Variants in WDR26 observed in about 807,000 individuals in gnomAD.
WDR26 encodes WD repeat domain 26.
WDR26 carries 5 observed loss-of-function variants against 84.1 expected under a neutral mutation model. That is an observed-to-expected ratio of 0.06 (90% confidence interval 0.03 to 0.13). The LOEUF (loss-of-function observed/expected upper bound fraction) is 0.13. Among genes scored for constraint, WDR26 ranks in the 10% least tolerant of loss-of-function variants. WDR26 has a pLI of 1.00. For missense variants in WDR26, 642 were observed against 974.9 expected (o/e 0.66, Z 4.55); for synonymous variants, 415 against 389.6 (o/e 1.07, Z -0.77).
At chr1:224,421,827 G>A (rs1572204660) in intron 4 of WDR26, among the ~76,000 whole-genome samples, 1 of 152,154 alleles carries the variant, frequency 6.6e-6, no homozygotes, top group East Asian at 1.9e-4. Context: ...TAAGACCAAT[G>A]ACTTTGGAAT....
chr1:224,429,335 C>G (rs1674320310), intron 3 of WDR26: 1 of 150,582 alleles, frequency 6.6e-6, no homozygotes, highest in Non-Finnish European at 1.5e-5. Context: ...TGGATTGGGT[C>G]AATGAAAACA....
At position 224,434,267 on chromosome 1, in the gene WDR26, C is replaced by T. The variant is rs1674531177; in HGVS notation, c.139G>A (p.Gly47Ser). Residue 47 changes from glycine (G) to serine (S), a missense_variant, in exon 1 of 14, where the codon GGC (glycine) becomes AGC (serine). By Grantham distance (56) the Gly-to-Ser change is moderately conservative. Around this residue, in one of 2 missense-constraint regions of WDR26, gnomAD observed 291 missense variants for 302.1 expected, o/e 0.96. Coordinates refer to ENST00000414423, the MANE Select transcript of WDR26 (RefSeq NM_001379403.1). ...GACGGAGGGGAGAGGCCTGCTCTGCCTGCCGAAGCCCCGGGCTCTCCTACT... is the reference window on the plus strand; with the variant it reads ...GACGGAGGGGAGAGGCCTGCTCTGCTTGCCGAAGCCCCGGGCTCTCCTACT... The T allele has an allele frequency of 1.6e-6, 2 of 1,290,284 alleles. No homozygotes were observed. The highest frequency in any genetic ancestry group is 9.8e-7 in the Non-Finnish European group (1 of 1,020,650). 79.9% of individuals were successfully genotyped at this position (1,290,284 alleles called of 1,614,324 possible).
At chr1:224,407,061 A>G (rs1259590668) in intron 7 of WDR26, among the ~76,000 whole-genome samples, 3 of 142,352 alleles carry the variant, frequency 2.1e-5, no homozygotes, top group African/African-American at 7.9e-5. Context: ...GGTGAAGGTT[A>G]CAGTGAGCCA....
chr1:224,395,952 A>G (rs977711761), intron 12 of WDR26, among the ~76,000 whole-genome samples: 2 of 152,190 alleles, frequency 1.3e-5, no homozygotes, highest in South Asian at 2.1e-4. Flanking sequence ...TTTTTGGGAA[A>G]CGGTTTTTAA....
rs1673313874 is a variant in WDR26 at position 224,398,155 on chromosome 1, A to G, written c.2016T>C (p.Tyr672=). ...GGCCTCCAAAACATGAATGAATTGT[A>G]TAAAACCCTTGTGTAACACCTTGAT... The change falls in exon 12 of 14, where the codon TAT becomes TAC. Residue 672 remains tyrosine, a synonymous_variant. Transcript: ENST00000414423. 6 of 1,613,668 alleles carry G rather than the reference A, an allele frequency of 3.7e-6. No individual in the cohort carries two copies. Among genetic ancestry groups the G allele is most frequent in the Non-Finnish European group, 5.1e-6 (6 of 1,179,920 alleles).
rs771658640 is a variant in WDR26, at chr1:224,387,045, CA to C, written c.*2789del. ...TATTTGCTCTAGCCCTTAATCAATG[CA>C]TAACAACAAAAACATTTTTAAGCAC... On this transcript the variant is annotated 3_prime_UTR_variant, in exon 14 of 14. Transcript: ENST00000414423. 1.3e-5 allele frequency: 2 copies of C among 152,594 alleles called. No individual in the cohort carries two copies. The highest frequency in any genetic ancestry group is 2.9e-5 in the Non-Finnish European group (2 of 68,020). The allele number at this position is 152,594 out of a possible 1,614,324, so 9.5% of individuals were successfully genotyped here. A position where few individuals can be genotyped will look rare whatever the true frequency, so the allele number is the denominator to read the frequency against.
Position 224,424,623 on chromosome 1 carries a change from T to A in WDR26, c.959A>T (p.Tyr320Phe). ...CTTGCCATCCTCCAGGTATTCTAGG[T>A]ACTTCTGCTGCAGCAGCAAAAACTT... Residue 320 changes from tyrosine to phenylalanine, a missense_variant, in exon 4 of 14, where the codon TAC becomes TTC. Tyr to Phe is a conservative substitution (Grantham distance 22). Around this residue, in one of 2 missense-constraint regions of WDR26, gnomAD observed 351 missense variants for 672.8 expected, o/e 0.52. Coordinates refer to ENST00000414423, the MANE Select transcript of WDR26 (RefSeq NM_001379403.1). The A allele has an allele frequency of 6.2e-7, 1 of 1,614,190 alleles. No homozygotes were observed. Among genetic ancestry groups the A allele is most frequent in the Non-Finnish European group, 8.5e-7 (1 of 1,180,026 alleles).
intron 4 of WDR26, among the ~76,000 whole-genome samples, chr1:224,422,714 CAA>C (rs57059923): frequency 2.1e-5 from 3 of 146,212 alleles, no homozygotes; most frequent in Non-Finnish European, 3.0e-5. Flanking sequence ...AACTCTGTCT[CAA>C]AAAAAAAAAA....
rs1673124308 is a variant in WDR26 at position 224,391,385 on chromosome 1, A to AAAAAAAAAAAAC, written c.2261-1526_2261-1525insGTTTTTTTTTTT. 3.5e-4 allele frequency among the ~76,000 whole-genome samples: 16 copies of AAAAAAAAAAAAC among 45,862 alleles called. 1 individual carries two copies. The highest frequency in any genetic ancestry group is 1.2e-3 in the East Asian group (2 of 1,656). 30.1% of individuals were successfully genotyped at this position (45,862 alleles called of 152,430 possible). ...TCTCAAAAAAAAAAAAAAAAAAAACAAAAAAAAAACCTTAATTCTACTGTT... is the reference window on the plus strand; with the variant it reads ...TCTCAAAAAAAAAAAAAAAAAAAACAAAAAAAAAAAACAAAAAAAAACCTTAATTCTACTGTT... On this transcript the variant is annotated intron_variant, in intron 13 of 13. Coordinates refer to ENST00000414423, the MANE Select transcript of WDR26 (RefSeq NM_001379403.1).
Position 224,408,728 on chromosome 1 carries a change from G to A in WDR26, c.1458+2699C>T, listed in dbSNP as rs888009719. On this transcript the variant is annotated intron_variant, in intron 7 of 13. Transcript: ENST00000414423. The stretch of plus-strand genomic sequence containing the variant: ...TTCCTGTTGTCCACCTGTGTGATGC[G>A]CAGTAAGACTCTCAAGAGGTATTTC... Among the ~76,000 whole-genome samples, 7 of 150,276 alleles carry A rather than the reference G, an allele frequency of 4.7e-5. No individual in the cohort carries two copies. The East Asian group carries it at 5.9e-4, about 13-fold the overall frequency.
rs1673013926 is a variant in WDR26 at position 224,387,414 on chromosome 1, CCAG to C, written c.*2418_*2420del. Reference sequence around the variant, plus strand: ...AAGTACCAGTATGTACAGGAAGCTGCCAGTTAAGACAGACCCGGAAAACAAACT... The same window carrying C: ...AAGTACCAGTATGTACAGGAAGCTGCTTAAGACAGACCCGGAAAACAAACT... On this transcript the variant is annotated 3_prime_UTR_variant, in exon 14 of 14. Coordinates refer to ENST00000414423, the MANE Select transcript of WDR26 (RefSeq NM_001379403.1). The C allele has an allele frequency of 6.6e-6, 1 of 152,604 alleles. No homozygotes were observed. The highest frequency in any genetic ancestry group is 1.5e-5 in the Non-Finnish European group (1 of 68,022). The allele number at this position is 152,604 out of a possible 1,614,324, so 9.5% of individuals were successfully genotyped here.
chr1:224,416,096 G>C (rs1483239847), intron 6 of WDR26, among the ~76,000 whole-genome samples: 1 of 152,182 alleles, frequency 6.6e-6, no homozygotes, highest in Non-Finnish European at 1.5e-5. Context: ...GGGGGAGAGA[G>C]AAAGAGAGGT....
chr1:224,399,494 T>C (rs1262206376), intron 9 of WDR26, among the ~76,000 whole-genome samples: 1 of 152,182 alleles, frequency 6.6e-6, no homozygotes, highest in Non-Finnish European at 1.5e-5. Flanking sequence ...TTTCAAAAAT[T>C]TACCAAATTT....
chr1:224,421,445 C>G (rs1423485155), intron 4 of WDR26, among the ~76,000 whole-genome samples: 2 of 152,094 alleles, frequency 1.3e-5, no homozygotes, highest in African/African-American at 4.8e-5. Context: ...AAAAAATTAA[C>G]TGGGCGTGGT....
intron 1 of WDR26, 57 bp downstream of exon 1, chr1:224,433,627 C>G (rs979141157): frequency 6.0e-6 from 8 of 1,331,440 alleles, no homozygotes; most frequent in Admixed American, 3.0e-5. Flanking sequence ...CCCCTACCCC[C>G]CTGGAGCCTC....
intron 3 of WDR26, chr1:224,430,553 T>A (rs1283855343): frequency 6.6e-6 from 1 of 152,138 alleles, no homozygotes; most frequent in Non-Finnish European, 1.5e-5. Context: ...CAGAAAAGAT[T>A]AATGTTTGAC....
chr1:224,401,282 C>G (rs1456269417), intron 8 of WDR26, among the ~76,000 whole-genome samples: 1 of 152,116 alleles, frequency 6.6e-6, no homozygotes, highest in East Asian at 1.9e-4. Flanking sequence ...ATGTCTGGCA[C>G]AGGTAACCCA....
chr1:224,413,122 G>C, intron 6 of WDR26: 1 of 212,726 alleles, frequency 4.7e-6, no homozygotes, highest in Non-Finnish European at 9.2e-6. Flanking sequence ...GTGGGAGGTG[G>C]AGGTTGCAGT....
At chr1:224,410,583 A>G (rs183325312) in intron 7 of WDR26, among the ~76,000 whole-genome samples, 1 of 152,124 alleles carries the variant, frequency 6.6e-6, no homozygotes, top group Non-Finnish European at 1.5e-5. Context: ...GGATTACACA[A>G]CAAGGTCCAC....
Sources: allele counts gnomAD v4.1 joint callset (sites outside exome capture counted in the v4.1 genomes callset), GRCh38; gene constraint gnomAD v4.1.1; regional missense constraint gnomAD v4.1.1; transcripts MANE v1.5; gene names NCBI Gene and HGNC (gene_info 2026-07-23, HGNC 2026-07-21).